Variants in RNFT2 observed in about 807,000 individuals in gnomAD.
RNFT2 encodes the protein ring finger protein, transmembrane 2, also known as E3 ubiquitin-protein ligase RNFT2.
A neutral mutation model predicts 53.0 loss-of-function variants in RNFT2; 36 were observed. The observed-to-expected ratio is 0.68, with a 90% confidence interval of 0.52 to 0.90. The LOEUF is 0.90. RNFT2 is among the 40% of genes least tolerant of loss of function. RNFT2 has a pLI of 0.00. For synonymous variants in RNFT2, 260 were observed against 253.2 expected (o/e 1.03, Z -0.26); for missense variants, 514 against 585.6 (o/e 0.88, Z 1.26).
At chr12:116,788,816 A>G (rs1392522097) in intron 7 of RNFT2, among the ~76,000 whole-genome samples, 1 of 89,126 alleles carries the variant, frequency 1.1e-5, no homozygotes, top group Non-Finnish European at 2.8e-5. Flanking sequence ...AGTTTGGTGG[A>G]TGGATGGATA....
chr12:116,750,718 A>G (rs987678139), intron 4 of RNFT2, among the ~76,000 whole-genome samples: 1 of 148,874 alleles, frequency 6.7e-6, no homozygotes, highest in African/African-American at 2.5e-5. Flanking sequence ...GTATGATTTT[A>G]TAGTCTTCAT....
At chr12:116,738,799 A>G (rs891943834) in intron 1 of RNFT2, 27 of 152,330 alleles carry the variant, frequency 1.8e-4, no homozygotes, top group African/African-American at 6.0e-4. Flanking sequence ...TAGAGTTTCG[A>G]GCATTCGATT....
At chr12:116,743,996 G>A (rs527353654) in intron 3 of RNFT2, among the ~76,000 whole-genome samples, 93 of 152,242 alleles carry the variant, frequency 6.1e-4, no homozygotes, top group Non-Finnish European at 1.2e-3. Flanking sequence ...CGGGGGTAAG[G>A]CAGGCTGATC....
chr12:116,851,022 A>C lies in RNFT2; in HGVS notation c.*1574A>C, dbSNP rs989369069. The C allele has an allele frequency of 6.6e-6, 1 of 152,168 alleles. No individual in the cohort carries two copies. The highest frequency in any genetic ancestry group is 1.5e-5 in the Non-Finnish European group (1 of 68,064). The allele number at this position is 152,168 out of a possible 1,614,324, so 9.4% of individuals were successfully genotyped here. A position where few individuals can be genotyped will look rare whatever the true frequency, so the allele number is the denominator to read the frequency against. On this transcript the variant is annotated 3_prime_UTR_variant, in exon 11 of 11. Coordinates refer to ENST00000257575, the MANE Select transcript of RNFT2 (RefSeq NM_001382266.1). ...ATACTTCATGCGCAGCAGGCAAAGCATGCAGCATCCTGCTTGGATTACGTG... is the reference window on the plus strand; with the variant it reads ...ATACTTCATGCGCAGCAGGCAAAGCCTGCAGCATCCTGCTTGGATTACGTG...
intron 6 of RNFT2, among the ~76,000 whole-genome samples, chr12:116,770,741 T>C (rs1244359058): frequency 6.6e-6 from 1 of 152,048 alleles, no homozygotes; most frequent in Admixed American, 6.6e-5. Flanking sequence ...TTATTTTTAG[T>C]AGAGATGAGG....
intron 7 of RNFT2, chr12:116,801,155 G>A (rs1184069722): frequency 6.6e-6 from 1 of 152,246 alleles, no homozygotes; most frequent in Non-Finnish European, 1.5e-5. Context: ...ACCCAGCAGT[G>A]AGCAGCAAAG....
intron 7 of RNFT2, among the ~76,000 whole-genome samples, chr12:116,784,324 C>A (rs541006899): frequency 6.6e-6 from 1 of 152,342 alleles, no homozygotes; most frequent in African/African-American, 2.4e-5. Context: ...TTACAATTCC[C>A]CAGTTCAGCT....
intron 6 of RNFT2, among the ~76,000 whole-genome samples, chr12:116,774,047 A>G (rs529298241): frequency 1.3e-5 from 2 of 152,356 alleles, no homozygotes; most frequent in African/African-American, 4.8e-5. Flanking sequence ...AGCCAGATAA[A>G]AAAGGACATT....
chr12:116,832,577 G>C (rs1278923975), intron 7 of RNFT2, among the ~76,000 whole-genome samples: 2 of 152,174 alleles, frequency 1.3e-5, no homozygotes, highest in African/African-American at 4.8e-5. Context: ...AAATAGCTCA[G>C]ACTGGAATTT....
chr12:116,813,037 C>G (rs76964910), intron 7 of RNFT2, among the ~76,000 whole-genome samples: 3,092 of 152,300 alleles, frequency 0.02, 110 homozygotes, highest in African/African-American at 0.07. Context: ...TTCATTGCAG[C>G]CATGACCTCC....
At chr12:116,794,546 C>T (rs1592962447) in intron 7 of RNFT2, among the ~76,000 whole-genome samples, 1 of 150,598 alleles carries the variant, frequency 6.6e-6, no homozygotes, top group Non-Finnish European at 1.5e-5. Context: ...TGCAGTGAGC[C>T]GAGATTGTGC....
intron 6 of RNFT2, among the ~76,000 whole-genome samples, chr12:116,772,397 C>T (rs1180833096): frequency 6.6e-6 from 1 of 152,112 alleles, no homozygotes; most frequent in African/African-American, 2.4e-5. Context: ...ACCTCCAGCT[C>T]CCTGGTTCAA....
chr12:116,792,235 A>G (rs1288142174), intron 7 of RNFT2, among the ~76,000 whole-genome samples: 1 of 152,050 alleles, frequency 6.6e-6, no homozygotes, highest in African/African-American at 2.4e-5. Context: ...TTTTTAGTAG[A>G]GACGGGGTTT....
chr12:116,847,678 C>T (rs1164663292), intron 10 of RNFT2, among the ~76,000 whole-genome samples: 1 of 152,032 alleles, frequency 6.6e-6, no homozygotes, highest in Non-Finnish European at 1.5e-5. Context: ...CAGGCATGTA[C>T]CACCACGCCT....
intron 7 of RNFT2, among the ~76,000 whole-genome samples, chr12:116,827,282 C>T (rs531816805): frequency 6.6e-6 from 1 of 150,408 alleles, no homozygotes; most frequent in Non-Finnish European, 1.5e-5. Context: ...CAAAGGTGTA[C>T]ATAACAGGAG....
At chr12:116,818,215 C>T (rs1286837991) in intron 7 of RNFT2, among the ~76,000 whole-genome samples, 1 of 151,632 alleles carries the variant, frequency 6.6e-6, no homozygotes, top group Non-Finnish European at 1.5e-5. Context: ...CCCAGCTACT[C>T]GTGGGGCTGA....
At chr12:116,847,605 G>A (rs1169901553) in intron 10 of RNFT2, among the ~76,000 whole-genome samples, 5 of 150,490 alleles carry the variant, frequency 3.3e-5, no homozygotes, top group South Asian at 4.2e-4. Context: ...TCAGCTCACC[G>A]CAACCTCTGC....
chr12:116,748,274 C>G (rs1872006841), intron 3 of RNFT2, among the ~76,000 whole-genome samples: 1 of 152,098 alleles, frequency 6.6e-6, no homozygotes, highest in Admixed American at 6.5e-5. Context: ...GAAACTGCAC[C>G]CAATTCTGGG....
Position 116,784,401 on chromosome 12 carries a change from C to T in RNFT2, c.882+5053C>T, listed in dbSNP as rs552620697. Among the ~76,000 whole-genome samples the T allele has an allele frequency of 3.9e-5, 6 of 152,278 alleles. No individual in the cohort carries two copies. In the South Asian group the frequency reaches 8.3e-4, roughly 21 times the overall value. ...AGCTATTTCATAGGTCAGCAGCTGGCCAATGAATGGGCTGCACATGGTCAT... is the reference window on the plus strand; with the variant it reads ...AGCTATTTCATAGGTCAGCAGCTGGTCAATGAATGGGCTGCACATGGTCAT... On this transcript the variant is annotated intron_variant, in intron 7 of 10. Coordinates refer to ENST00000257575, the MANE Select transcript of RNFT2 (RefSeq NM_001382266.1).
Sources: gnomAD v4.1 joint callset for allele counts (sites outside exome capture counted in the v4.1 genomes callset) on GRCh38, gnomAD v4.1.1 for gene constraint, MANE v1.5 for transcripts, NCBI Gene and HGNC (gene_info 2026-07-23, HGNC 2026-07-21) for gene names.